CEP170B: variants seen among roughly 807,000 people sequenced by gnomAD.
CEP170B encodes the protein centrosomal protein 170B.
A neutral mutation model predicts 120.6 loss-of-function variants in CEP170B; 55 were observed. The ratio of observed to expected loss-of-function variants is 0.46; its 90% CI spans 0.37 to 0.57. The LOEUF (loss-of-function observed/expected upper bound fraction) is 0.57, where lower values mean the gene tolerates loss of function less well. CEP170B is among the 20% of genes least tolerant of loss of function. The pLI is 0.00. For missense variants in CEP170B, 2,212 were observed against 2,253.3 expected (o/e 0.98, Z 0.37); for synonymous variants, 1,033 against 954.5 (o/e 1.08, Z -1.52).
Position 104,883,069 on chromosome 14 carries a change from G to A in CEP170B, c.612G>A (p.Glu204=), listed in dbSNP as rs745859413. The part of the protein sequence containing the change: ...RPKGPVQQDG[E]LHGFRAPAEP... ...AGGGACCAGTGCAGCAGGACGGGGA[G>A]CTCCACGGCTTCCGCGCCCCTGCTG... The change falls in exon 8 of 19, where the codon GAG becomes GAA. Residue 204 remains glutamate, a synonymous_variant. Coordinates refer to ENST00000414716, the MANE Select transcript of CEP170B (RefSeq NM_001112726.3). 3.9e-6 allele frequency: 6 copies of A among 1,554,212 alleles called. No individual in the cohort carries two copies. Among genetic ancestry groups the A allele is most frequent in the Non-Finnish European group, 2.6e-6 (3 of 1,153,246 alleles).
intron 3 of CEP170B, 45 bp from the exon 4 acceptor site, chr14:104,877,840 A>AGCCCCCCCCCCCCCCC: frequency 8.4e-6 from 2 of 237,904 alleles, no homozygotes; most frequent in South Asian, 4.9e-5. Context: ...ACAGCCACCC[A>AGCCCCCCCCCCCCCCC]CCCGCGCAGC....
intron 6 of CEP170B, among the ~76,000 whole-genome samples, chr14:104,881,428 G>C (rs1192778090): frequency 6.6e-6 from 1 of 152,212 alleles, no homozygotes; most frequent in African/African-American, 2.4e-5. Flanking sequence ...CATGTCTGCT[G>C]TGTTCTGCTG....
At position 104,867,284 on chromosome 14, in the gene CEP170B, A is replaced by G. The variant is rs2140609347; in HGVS notation, c.-27-1140A>G. Among the ~76,000 whole-genome samples, 1 of 152,194 alleles carries G rather than the reference A, an allele frequency of 6.6e-6. No individual in the cohort carries two copies. Among genetic ancestry groups the G allele is most frequent in the South Asian group, 2.1e-4 (1 of 4,820 alleles). On this transcript the variant is annotated intron_variant, in intron 1 of 18. Coordinates refer to ENST00000414716, the MANE Select transcript of CEP170B (RefSeq NM_001112726.3). The surrounding 1 kb of genome is among the most constrained non-coding windows in gnomAD (Gnocchi z 5.4). Reference sequence around the variant, plus strand: ...CCTCTGCCTGGAATGCAGTCCCACAAGCGTTCATGGGCTCACTTCCACCCC... The same window carrying G: ...CCTCTGCCTGGAATGCAGTCCCACAGGCGTTCATGGGCTCACTTCCACCCC...
Position 104,883,093 on chromosome 14 carries a change from T to G in CEP170B, c.636T>G (p.Ala212=). The part of the protein sequence containing the change: ...DGELHGFRAP[A]EPQGCSFRRE... ...AGCTCCACGGCTTCCGCGCCCCTGCTGAGCCTCAGGGCTGCTCGTTCCGGC... is the reference window on the plus strand; with the variant it reads ...AGCTCCACGGCTTCCGCGCCCCTGCGGAGCCTCAGGGCTGCTCGTTCCGGC... Residue 212 remains alanine (A), a synonymous_variant, in exon 8 of 19, where the codon GCT becomes GCG. Transcript: ENST00000414716. The G allele has an allele frequency of 6.3e-7, 1 of 1,577,944 alleles. No individual in the cohort carries two copies. Among genetic ancestry groups the G allele is most frequent in the Non-Finnish European group, 8.6e-7 (1 of 1,165,110 alleles).
intron 2 of CEP170B, among the ~76,000 whole-genome samples, chr14:104,871,855 C>T (rs977231591): frequency 6.6e-6 from 1 of 152,262 alleles, no homozygotes; most frequent in African/African-American, 2.4e-5. Flanking sequence ...GCAAGAGGGG[C>T]GGTAGCTTGG....
In CEP170B at chr14:104,887,158, C is replaced by CACA. The variant is rs1896567908; in HGVS notation, c.2922_2924dup (p.Thr975dup). The stretch of plus-strand genomic sequence containing the variant: ...GTAGTGGCAAGAGCGGGCCCAGCCC[C>CACA]ACAACCCCCCAGCCTCTGCGGGCAC... On this transcript the variant is annotated inframe_insertion, in exon 12 of 19. Transcript: ENST00000414716. 6.2e-7 allele frequency: 1 copy of CACA among 1,608,838 alleles called. No homozygotes were observed.
intron 13 of CEP170B, among the ~76,000 whole-genome samples, chr14:104,890,783 AGATGGATG>A (rs1219163929): frequency 2.4e-4 from 3 of 12,326 alleles, no homozygotes; most frequent in African/African-American, 7.7e-4. Flanking sequence ...ATGAGTGGGT[AGATGGATG>A]GATGGATGGA....
chr14:104,884,480 A>G lies in CEP170B; in HGVS notation c.1701A>G (p.Ala567=), dbSNP rs1409502733. The G allele has an allele frequency of 3.8e-6, 6 of 1,563,218 alleles. No individual in the cohort carries two copies. Among genetic ancestry groups the G allele is most frequent in the Admixed American group, 3.8e-5 (2 of 53,054 alleles). ...AGGAGGACGACAGCCTCAGTGACGC[A>G]GGGACATACACCATCGAGACCGAGG... ...KQEEDDSLSD[A]GTYTIETEAQ... The change falls in exon 9 of 19, where the codon GCA becomes GCG. Residue 567 remains alanine (A), a synonymous_variant. Transcript: ENST00000414716.
In CEP170B at chr14:104,883,699, C is replaced by T; in HGVS notation, c.1052-132C>T. 3.6e-6 allele frequency: 4 copies of T among 1,111,746 alleles called. No individual in the cohort carries two copies. The South Asian group carries it at 4.9e-5, about 14-fold the overall frequency. The allele number at this position is 1,111,746 out of a possible 1,614,324, so 68.9% of individuals were successfully genotyped here. On this transcript the variant is annotated intron_variant, in intron 8 of 18. Transcript: ENST00000414716. ...CGTCTTCCCGTTGCACTTCTTTGCC[C>T]TGTGTGGGGGGGCCCTGAGGGCTGG...
rs556690692 is a variant in CEP170B, at chr14:104,882,946, C to A, written c.578-89C>A. The A allele has an allele frequency of 5.3e-5, 77 of 1,455,096 alleles. No homozygotes were observed. In the East Asian group the frequency reaches 1.6e-3, roughly 29 times the overall value. The allele number at this position is 1,455,096 out of a possible 1,614,324, so 90.1% of individuals were successfully genotyped here. Reference sequence around the variant, plus strand: ...CGGGGGACATGGGGCCTGTCTCCCCCTCTTGGGTGGAGTGGATGGTCCTGG... The same window carrying A: ...CGGGGGACATGGGGCCTGTCTCCCCATCTTGGGTGGAGTGGATGGTCCTGG... On this transcript the variant is annotated intron_variant, in intron 7 of 18. Coordinates refer to ENST00000414716, the MANE Select transcript of CEP170B (RefSeq NM_001112726.3).
chr14:104,883,237 C>T lies in CEP170B; in HGVS notation c.780C>T (p.Ala260=), dbSNP rs1418328037. 1 of 1,611,274 alleles carries T rather than the reference C, an allele frequency of 6.2e-7. No homozygotes were observed. Among genetic ancestry groups the T allele is most frequent in the African/African-American group, 1.3e-5 (1 of 74,668 alleles). The change falls in exon 8 of 19, where the codon GCC becomes GCT. Residue 260 remains alanine, a synonymous_variant. Coordinates refer to ENST00000414716, the MANE Select transcript of CEP170B (RefSeq NM_001112726.3). Reference sequence around the variant, plus strand: ...CAGAGGCAGGTGGGGGCGGAGCGGCCCCTGTGGTGCAGAGCCACGCCTCCT... The same window carrying T: ...CAGAGGCAGGTGGGGGCGGAGCGGCTCCTGTGGTGCAGAGCCACGCCTCCT... The part of the protein sequence containing the change: ...KDAEAGGGGA[A]PVVQSHASFT...
rs989378605 is a variant in CEP170B, at chr14:104,884,010, G to A, written c.1231G>A (p.Glu411Lys). 1.1e-5 allele frequency: 18 copies of A among 1,611,040 alleles called. No individual in the cohort carries two copies. The highest frequency in any genetic ancestry group is 2.7e-5 in the African/African-American group (2 of 75,016). The change falls in exon 9 of 19, where the codon GAG becomes AAG. Residue 411 changes from glutamate to lysine, a missense_variant. Glu to Lys is a moderately conservative substitution (Grantham distance 56). Coordinates refer to ENST00000414716, the MANE Select transcript of CEP170B (RefSeq NM_001112726.3). The stretch of plus-strand genomic sequence containing the variant: ...GGCCTTTGTCATCGAGTTCTTCGAC[G>A]AGGACACACCCCGAAAGAAGCGCTC... The part of the protein sequence containing the change: ...QQAFVIEFFD[E>K]DTPRKKRSQS...
chr14:104,880,470 C>T (rs773125094), intron 6 of CEP170B, 45 bp downstream of exon 6: 31 of 1,595,018 alleles, frequency 1.9e-5, no homozygotes, highest in African/African-American at 2.7e-5. Context: ...AGGGCCACTG[C>T]CAGGCCCTCT....
chr14:104,885,742 G>T (rs1203828817), intron 10 of CEP170B, among the ~76,000 whole-genome samples, 200 bp downstream of exon 10: 2 of 152,160 alleles, frequency 1.3e-5, no homozygotes, highest in Non-Finnish European at 2.9e-5. Context: ...TGAGGTCCTG[G>T]GCAAAACGGG....
At position 104,891,943 on chromosome 14, in the gene CEP170B, G is replaced by A. The variant is rs1470674912; in HGVS notation, c.3879-1033G>A. Among the ~76,000 whole-genome samples the A allele has an allele frequency of 6.6e-6, 1 of 152,174 alleles. No individual in the cohort carries two copies. Among genetic ancestry groups the A allele is most frequent in the Non-Finnish European group, 1.5e-5 (1 of 68,016 alleles). On this transcript the variant is annotated intron_variant, in intron 13 of 18. Coordinates refer to ENST00000414716, the MANE Select transcript of CEP170B (RefSeq NM_001112726.3). The surrounding 1 kb of genome is among the most constrained non-coding windows in gnomAD (Gnocchi z 4.3). ...CCAGGGCAGCCAGTGGGATGTGCAA[G>A]GCCATCTGGGCAGAGGGTGCTGGGG...
At chr14:104,880,525 A>G in intron 6 of CEP170B, 100 bp downstream of exon 6, 1 of 1,502,580 alleles carries the variant, frequency 6.7e-7, no homozygotes, top group Non-Finnish European at 9.0e-7. Context: ...CTGCATGCAT[A>G]TACCATGTAC....
At position 104,895,511 on chromosome 14, in the gene CEP170B, C is replaced by T. The variant is rs540529843; in HGVS notation, c.*553C>T. 1 of 152,804 alleles carries T rather than the reference C, an allele frequency of 6.5e-6. No homozygotes were observed. The highest frequency in any genetic ancestry group is 2.1e-4 in the South Asian group (1 of 4,838). The allele number at this position is 152,804 out of a possible 1,614,324, so 9.5% of individuals were successfully genotyped here. ...CTTGCCCTGGTGGCTCCCACCTGACCCCAGGCCTTTTATAGGCAGGAGCCC... is the reference window on the plus strand; with the variant it reads ...CTTGCCCTGGTGGCTCCCACCTGACTCCAGGCCTTTTATAGGCAGGAGCCC... On this transcript the variant is annotated 3_prime_UTR_variant, in exon 19 of 19. Coordinates refer to ENST00000414716, the MANE Select transcript of CEP170B (RefSeq NM_001112726.3).
At chr14:104,880,255 C>A in intron 5 of CEP170B, 32 bp from the exon 6 acceptor site, 1 of 1,565,354 alleles carries the variant, frequency 6.4e-7, no homozygotes, top group Non-Finnish European at 8.6e-7. Flanking sequence ...GAGGCTGGGC[C>A]CAGTACCTCA....
intron 2 of CEP170B, among the ~76,000 whole-genome samples, chr14:104,872,310 C>CCAT (rs1895564127): frequency 4.1e-5 from 2 of 48,260 alleles, no homozygotes; most frequent in Non-Finnish European, 8.8e-5. Context: ...CATGGGTGTG[C>CCAT]GTGTGTGCCG....
Sources: allele counts gnomAD v4.1 joint callset (sites outside exome capture counted in the v4.1 genomes callset), GRCh38; gene constraint gnomAD v4.1.1; non-coding constraint Gnocchi (gnomAD v3.1); transcripts MANE v1.5; gene names NCBI Gene and HGNC (gene_info 2026-07-23, HGNC 2026-07-21).